ITSN2: variants seen among roughly 807,000 people sequenced by gnomAD.
The protein encoded by ITSN2 is intersectin-2.
A neutral mutation model predicts 243.7 loss-of-function variants in ITSN2; 156 were observed. The ratio of observed to expected loss-of-function variants is 0.64; its 90% confidence interval spans 0.56 to 0.73. The LOEUF (loss-of-function observed/expected upper bound fraction) is 0.73, where lower values mean the gene tolerates loss of function less well. Ranked by LOEUF, ITSN2 falls within the 30% of genes least tolerant of loss-of-function variation. The pLI is 0.00. For synonymous variants in ITSN2, 703 were observed against 699.9 expected (o/e 1.00, Z -0.07); for missense variants, 1,801 against 1,996.1 (o/e 0.90, Z 1.86).
In ITSN2 at chr2:24,204,496, A is replaced by G; in HGVS notation, c.4763-78T>C. ...GACTGACAGTGCCCTCCCTGAGCAG[A>G]AGCAGGATTCCAATAATGGGTCACT... On this transcript the variant is annotated intron_variant, in intron 38 of 39. Coordinates refer to ENST00000355123, the MANE Select transcript of ITSN2 (RefSeq NM_006277.3). The surrounding 1 kb of genome is among the most constrained non-coding windows in gnomAD (Gnocchi z 5.1). 7.6e-7 allele frequency: 1 copy of G among 1,314,378 alleles called. No individual in the cohort carries two copies. Among genetic ancestry groups the G allele is most frequent in the Non-Finnish European group, 1.1e-6 (1 of 908,316 alleles). The allele number at this position is 1,314,378 out of a possible 1,614,324, so 81.4% of individuals were successfully genotyped here. A position where few individuals can be genotyped will look rare whatever the true frequency, so the allele number is the denominator to read the frequency against.
intron 29 of ITSN2, chr2:24,240,261 C>G (rs1672578508): frequency 6.6e-6 from 1 of 152,106 alleles, no homozygotes; most frequent in Non-Finnish European, 1.5e-5. Context: ...AAGGCAAGAA[C>G]AGGTAATTAA....
rs193225210 is a variant in ITSN2, at chr2:24,298,421, G to A, written c.1494+244C>T. On this transcript the variant is annotated intron_variant, in intron 13 of 39. Transcript: ENST00000355123. ...TCCACCCACCTCAGCCTCCCAAAGC[G>A]TTGGGATTACAGTGAGCCACCATGC... 7.3e-3 allele frequency among the ~76,000 whole-genome samples: 1,102 copies of A among 151,972 alleles called. 8 individuals carry two copies. Among genetic ancestry groups the A allele is most frequent in the African/African-American group, 0.026 (1,059 of 41,440 alleles).
chr2:24,268,576 T>C (rs1044479669), intron 20 of ITSN2, among the ~76,000 whole-genome samples: 3 of 152,230 alleles, frequency 2.0e-5, no homozygotes, highest in Non-Finnish European at 4.4e-5. Flanking sequence ...GATACACAGA[T>C]GTGTACACAT....
rs558409596 is a variant in ITSN2, at chr2:24,340,854, C to T, written c.-33-12739G>A. 1.0e-3 allele frequency among the ~76,000 whole-genome samples: 153 copies of T among 151,950 alleles called. 1 individual carries two copies. Among genetic ancestry groups the T allele is most frequent in the African/African-American group, 3.6e-3 (149 of 41,390 alleles). ...TTGTAATGTCAGTGAATTACATTAT[C>T]CAGGGAAAGTACATATAAAAAAATA... On this transcript the variant is annotated intron_variant, in intron 1 of 39. Transcript: ENST00000355123.
chr2:24,243,733 G>A (rs2151273916), intron 29 of ITSN2, among the ~76,000 whole-genome samples: 1 of 152,262 alleles, frequency 6.6e-6, no homozygotes, highest in African/African-American at 2.4e-5. Flanking sequence ...GTGCGCCACT[G>A]TGCCCAGCCC....
At chr2:24,238,299 C>T (rs576776354) in intron 29 of ITSN2, among the ~76,000 whole-genome samples, 1 of 152,302 alleles carries the variant, frequency 6.6e-6, no homozygotes, top group South Asian at 2.1e-4. Flanking sequence ...TTTGTATCCC[C>T]AGCACCTGCT....
rs139685390 is a variant in ITSN2 at position 24,270,787 on chromosome 2, T to C, written c.2258-19A>G. ...GTCTCACCTAAAGAGAAGACAATTGTCATTATTTGCAACTTACATGTATAC... is the reference window on the plus strand; with the variant it reads ...GTCTCACCTAAAGAGAAGACAATTGCCATTATTTGCAACTTACATGTATAC... On this transcript the variant is annotated intron_variant, in intron 19 of 39. Coordinates refer to ENST00000355123, the MANE Select transcript of ITSN2 (RefSeq NM_006277.3). The C allele has an allele frequency of 4.4e-4, 594 of 1,339,664 alleles. 4 individuals are homozygous for C. The East Asian group carries it at 0.013, about 29-fold the overall frequency. 83.0% of individuals were successfully genotyped at this position (1,339,664 alleles called of 1,614,324 possible). A position where few individuals can be genotyped will look rare whatever the true frequency, so the allele number is the denominator to read the frequency against.
rs75059253 is a variant in ITSN2, at chr2:24,334,066, T to C, written c.-33-5951A>G. On this transcript the variant is annotated intron_variant, in intron 1 of 39. Transcript: ENST00000355123. Reference sequence around the variant, plus strand: ...CACCACACCTGGCTAATTTTTTTTTTTCTTTTTTTTGAGATGGAGTCTCCC... The same window carrying C: ...CACCACACCTGGCTAATTTTTTTTTCTCTTTTTTTTGAGATGGAGTCTCCC... Among the ~76,000 whole-genome samples the C allele has an allele frequency of 7.2e-4, 108 of 150,210 alleles. 1 individual carries two copies. The highest frequency in any genetic ancestry group is 1.0e-3 in the African/African-American group (41 of 40,800).
chr2:24,347,477 G>A (rs372230174), intron 1 of ITSN2, among the ~76,000 whole-genome samples: 2 of 152,058 alleles, frequency 1.3e-5, no homozygotes, highest in African/African-American at 2.4e-5. Flanking sequence ...ACCTGAGGTC[G>A]GGAGTTCGAG....
At chr2:24,343,628 T>C (rs1687262495) in intron 1 of ITSN2, among the ~76,000 whole-genome samples, 1 of 152,184 alleles carries the variant, frequency 6.6e-6, no homozygotes, top group Admixed American at 6.5e-5. Flanking sequence ...TTAGAGAGCA[T>C]GAACATTCTA....
intron 25 of ITSN2, among the ~76,000 whole-genome samples, chr2:24,251,131 C>G (rs1284454451): frequency 6.7e-6 from 1 of 150,110 alleles, no homozygotes; most frequent in Non-Finnish European, 1.5e-5. Flanking sequence ...TCAAGACCAG[C>G]CTGACCAACA....
intron 1 of ITSN2, among the ~76,000 whole-genome samples, chr2:24,341,028 A>G (rs1686999563): frequency 6.6e-6 from 1 of 152,200 alleles, no homozygotes; most frequent in South Asian, 2.1e-4. Context: ...TGAGCAATGG[A>G]GAAGAGGTAT....
Position 24,204,120 on chromosome 2 carries a change from A to T in ITSN2, c.4936+125T>A. Reference sequence around the variant, plus strand: ...ACCCACCTGCTGCCAAAGCGAGATGACACAGGCCTGTGTCACTTCCCTGAA... The same window carrying T: ...ACCCACCTGCTGCCAAAGCGAGATGTCACAGGCCTGTGTCACTTCCCTGAA... On this transcript the variant is annotated intron_variant, in intron 39 of 39. Transcript: ENST00000355123. The surrounding 1 kb of genome is among the most constrained non-coding windows in gnomAD (Gnocchi z 5.1). 1 of 948,092 alleles carries T rather than the reference A, an allele frequency of 1.1e-6. No homozygotes were observed. Among genetic ancestry groups the T allele is most frequent in the Non-Finnish European group, 1.6e-6 (1 of 618,572 alleles). The allele number at this position is 948,092 out of a possible 1,614,324, so 58.7% of individuals were successfully genotyped here. A position where few individuals can be genotyped will look rare whatever the true frequency, so the allele number is the denominator to read the frequency against.
At chr2:24,305,140 A>G (rs1315231812) in intron 8 of ITSN2, among the ~76,000 whole-genome samples, 2 of 152,192 alleles carry the variant, frequency 1.3e-5, no homozygotes, top group South Asian at 2.1e-4. Flanking sequence ...TCTTCATTAT[A>G]TGGGCTCTTC....
At position 24,300,737 on chromosome 2, in the gene ITSN2, C is replaced by G. The variant is rs117745792; in HGVS notation, c.1081+417G>C. On this transcript the variant is annotated intron_variant, in intron 11 of 39. Transcript: ENST00000355123. ...AAAAAAACTTTTTCAACTTTTTTCT[C>G]TTCTTCAAGGACAATCAAAGCTGTG... 1.8e-3 allele frequency among the ~76,000 whole-genome samples: 266 copies of G among 151,768 alleles called. 8 individuals are homozygous for G. The East Asian group carries it at 0.046, about 26-fold the overall frequency.
rs1683150690 is a variant in ITSN2, at chr2:24,310,670, C to T, written c.375G>A (p.Leu125=). 6.2e-7 allele frequency: 1 copy of T among 1,613,908 alleles called. No homozygotes were observed. The highest frequency in any genetic ancestry group is 1.3e-5 in the African/African-American group (1 of 74,876). The change falls in exon 6 of 40, where the codon CTG becomes CTA. Residue 125 remains leucine (L), a synonymous_variant. Coordinates refer to ENST00000355123, the MANE Select transcript of ITSN2 (RefSeq NM_006277.3). ...CTGGAGGCAATGGCTGAGGAATGGACAGATTGGGCATGCTTCCCATTCCTA... is the reference window on the plus strand; with the variant it reads ...CTGGAGGCAATGGCTGAGGAATGGATAGATTGGGCATGCTTCCCATTCCTA... The part of the protein sequence containing the change: ...ARFGMGSMPN[L]SIPQPLPPAA...
intron 20 of ITSN2, among the ~76,000 whole-genome samples, 170 bp downstream of exon 20, chr2:24,270,501 T>C (rs541970710): frequency 1.3e-5 from 2 of 152,358 alleles, no homozygotes; most frequent in African/African-American, 2.4e-5. Context: ...TTAGTAATAA[T>C]AACTGTCCTA....
chr2:24,289,244 G>C (rs1438173731), intron 15 of ITSN2, among the ~76,000 whole-genome samples: 1 of 152,160 alleles, frequency 6.6e-6, no homozygotes, highest in African/African-American at 2.4e-5. Flanking sequence ...TCCAATACAT[G>C]AACATGGAGT....
intron 12 of ITSN2, among the ~76,000 whole-genome samples, chr2:24,299,087 T>C (rs1310215103): frequency 6.7e-6 from 1 of 149,876 alleles, no homozygotes; most frequent in African/African-American, 2.5e-5. Flanking sequence ...TGGAGTGCAG[T>C]GGCACCACCT....
Sources: gnomAD v4.1 joint callset for allele counts (sites outside exome capture counted in the v4.1 genomes callset) on GRCh38, gnomAD v4.1.1 for gene constraint, Gnocchi (gnomAD v3.1) non-coding constraint, MANE v1.5 for transcripts, NCBI Gene and HGNC (gene_info 2026-07-23, HGNC 2026-07-21) for gene names.